HIPK3: variants seen among roughly 807,000 people sequenced by gnomAD.
HIPK3 encodes the protein homeodomain-interacting protein kinase 3.
A neutral mutation model predicts 124.2 loss-of-function variants in HIPK3; 47 were observed. The observed-to-expected ratio is 0.38, with a 90% CI of 0.30 to 0.48. HIPK3 has a LOEUF of 0.48. Ranked by LOEUF, HIPK3 falls within the 20% of genes least tolerant of loss-of-function variation. HIPK3 has a pLI of 0.98. For synonymous variants in HIPK3, 482 were observed against 515.2 expected (o/e 0.94, Z 0.87); for missense variants, 1,286 against 1,454.3 (o/e 0.88, Z 1.88).
At chr11:33,330,349 G>A (rs1044345562) in intron 3 of HIPK3, among the ~76,000 whole-genome samples, 2 of 152,086 alleles carry the variant, frequency 1.3e-5, no homozygotes, top group African/African-American at 4.8e-5. Context: ...TTTCTTTTGA[G>A]ATGAAGTCTT....
At chr11:33,320,936 C>T (rs1347929089) in intron 2 of HIPK3, among the ~76,000 whole-genome samples, 7 of 152,102 alleles carry the variant, frequency 4.6e-5, no homozygotes, top group Non-Finnish European at 8.8e-5. Flanking sequence ...GTTTGGGAGT[C>T]TTAAGAATAG....
intron 2 of HIPK3, among the ~76,000 whole-genome samples, chr11:33,319,436 C>T (rs897782740): frequency 2.0e-5 from 3 of 149,770 alleles, no homozygotes; most frequent in African/African-American, 7.4e-5. Flanking sequence ...GCGGAGGTTG[C>T]AGTGAGCCGA....
chr11:33,327,231 A>G (rs1852836969), intron 2 of HIPK3, among the ~76,000 whole-genome samples: 1 of 152,176 alleles, frequency 6.6e-6, no homozygotes, highest in Non-Finnish European at 1.5e-5. Context: ...ATTATTAGTA[A>G]TGGAACATAT....
chr11:33,296,144 C>T lies in HIPK3; in HGVS notation c.1097+8633C>T, dbSNP rs185638909. ...AATTCAATGGGTTGTAAATATCACTCATCATTCTTTGTTTTGTTCAGTAAA... is the reference window on the plus strand; with the variant it reads ...AATTCAATGGGTTGTAAATATCACTTATCATTCTTTGTTTTGTTCAGTAAA... On this transcript the variant is annotated intron_variant, in intron 2 of 16. Coordinates refer to ENST00000303296, the MANE Select transcript of HIPK3 (RefSeq NM_005734.5). Among the ~76,000 whole-genome samples the T allele has an allele frequency of 3.8e-4, 58 of 152,252 alleles. 1 individual carries two copies. In the East Asian group the frequency reaches 7.7e-3, roughly 20 times the overall value.
intron 2 of HIPK3, among the ~76,000 whole-genome samples, chr11:33,295,277 G>GCCCCCCCCCC (rs34093915): frequency 2.8e-5 from 3 of 106,632 alleles, no homozygotes; most frequent in South Asian, 3.3e-4. Context: ...AGCCACCACC[G>GCCCCCCCCCC]CCCCCCCCCC....
chr11:33,316,223 A>T (rs1483539133), intron 2 of HIPK3, among the ~76,000 whole-genome samples: 1 of 152,228 alleles, frequency 6.6e-6, no homozygotes, highest in Non-Finnish European at 1.5e-5. Context: ...GCTTGTTTTA[A>T]AAAAGCACCA....
intron 1 of HIPK3, among the ~76,000 whole-genome samples, chr11:33,278,202 T>C (rs535526640): frequency 5.3e-5 from 8 of 152,326 alleles, no homozygotes; most frequent in African/African-American, 1.9e-4. Context: ...ATAAAAATTA[T>C]AAATCTTTAT....
chr11:33,283,705 C>T (rs1198477392), intron 1 of HIPK3, among the ~76,000 whole-genome samples: 3 of 151,354 alleles, frequency 2.0e-5, no homozygotes, highest in Middle Eastern at 3.4e-3. Context: ...GACGGAGCCT[C>T]GCTCTGTTGC....
intron 2 of HIPK3, among the ~76,000 whole-genome samples, chr11:33,314,891 AC>A (rs2133949110): frequency 6.6e-6 from 1 of 152,308 alleles, no homozygotes. Flanking sequence ...TAAATTTAAG[AC>A]ATAATTGGAT....
intron 1 of HIPK3, among the ~76,000 whole-genome samples, chr11:33,269,852 A>G (rs1049712734): frequency 1.3e-5 from 2 of 151,782 alleles, no homozygotes; most frequent in Non-Finnish European, 2.9e-5. Flanking sequence ...TGAACCTCCT[A>G]TTCATTTCCA....
At chr11:33,349,419 A>G (rs1020952971) in intron 14 of HIPK3, 132 bp downstream of exon 14, 11 of 706,012 alleles carry the variant, frequency 1.6e-5, no homozygotes, top group Non-Finnish European at 2.3e-5. Context: ...TTTTTGAACT[A>G]GATCAGTTTT....
Position 33,341,067 on chromosome 11 carries a change from T to G in HIPK3, c.1713T>G (p.Ala571=), listed in dbSNP as rs1243685494. 2.5e-6 allele frequency: 4 copies of G among 1,612,494 alleles called. No individual in the cohort carries two copies. The highest frequency in any genetic ancestry group is 3.4e-6 in the Non-Finnish European group (4 of 1,179,068). Residue 571 remains alanine (A), a synonymous_variant, in exon 7 of 17, where the codon GCT becomes GCG. Transcript: ENST00000303296. ...HNKTSLLRPV[A]SSSTATLTAN... is the part of the protein sequence containing the mutation. ...AAACTTCACTTTTAAGACCAGTTGCTTCAAGCAGTACTGCTACACTGACTG... is the reference window on the plus strand; with the variant it reads ...AAACTTCACTTTTAAGACCAGTTGCGTCAAGCAGTACTGCTACACTGACTG...
intron 1 of HIPK3, among the ~76,000 whole-genome samples, chr11:33,272,820 T>TC (rs1226525763): frequency 1.9e-5 from 2 of 103,324 alleles, no homozygotes; most frequent in Non-Finnish European, 3.7e-5. Context: ...CCTCCCTCCC[T>TC]CTTTCTTCCT....
chr11:33,280,384 G>T (rs765348571), intron 1 of HIPK3, among the ~76,000 whole-genome samples: 1 of 152,202 alleles, frequency 6.6e-6, no homozygotes, highest in African/African-American at 2.4e-5. Flanking sequence ...AGCAAGTCGT[G>T]AGTATGTCTG....
Position 33,353,752 on chromosome 11 carries a change from C to G in HIPK3, c.*184C>G, listed in dbSNP as rs543527421. ...GTTTTGCACATTTGGTATAACTTGT[C>G]TTTGGTCATGTTATCTTCTTATGTA... On this transcript the variant is annotated 3_prime_UTR_variant, in exon 17 of 17. Coordinates refer to ENST00000303296, the MANE Select transcript of HIPK3 (RefSeq NM_005734.5). 716 of 561,484 alleles carry G rather than the reference C, an allele frequency of 1.3e-3. No homozygotes were observed. The highest frequency in any genetic ancestry group is 2.0e-3 in the Non-Finnish European group (620 of 314,230). The allele number at this position is 561,484 out of a possible 1,614,324, so 34.8% of individuals were successfully genotyped here. A position where few individuals can be genotyped will look rare whatever the true frequency, so the allele number is the denominator to read the frequency against.
chr11:33,299,059 C>T (rs1030505464), intron 2 of HIPK3, among the ~76,000 whole-genome samples: 2 of 151,836 alleles, frequency 1.3e-5, no homozygotes, highest in African/African-American at 4.8e-5. Flanking sequence ...GTTGGCCAGG[C>T]TGGTCTTGAA....
chr11:33,331,346 G>A (rs138459114), intron 3 of HIPK3, among the ~76,000 whole-genome samples: 32 of 152,200 alleles, frequency 2.1e-4, no homozygotes, highest in African/African-American at 7.2e-4. Flanking sequence ...GTAATCAGCT[G>A]CCTAGATATA....
chr11:33,322,797 G>A (rs1406810120), intron 2 of HIPK3, among the ~76,000 whole-genome samples: 1 of 152,216 alleles, frequency 6.6e-6, no homozygotes, highest in Non-Finnish European at 1.5e-5. Context: ...CTGCACTCCA[G>A]CCTGGGTGAC....
Position 33,356,937 on chromosome 11 carries a change from G to A in HIPK3, c.*3369G>A, listed in dbSNP as rs369088368. 2.0e-5 allele frequency: 3 copies of A among 152,156 alleles called. No homozygotes were observed. Among genetic ancestry groups the A allele is most frequent in the African/African-American group, 7.2e-5 (3 of 41,540 alleles). The allele number at this position is 152,156 out of a possible 1,614,324, so 9.4% of individuals were successfully genotyped here. A position where few individuals can be genotyped will look rare whatever the true frequency, so the allele number is the denominator to read the frequency against. On this transcript the variant is annotated 3_prime_UTR_variant, in exon 17 of 17. Coordinates refer to ENST00000303296, the MANE Select transcript of HIPK3 (RefSeq NM_005734.5). ...TTGTCACAAAAAGCGGGTTTTCCAG[G>A]TGACTATTTTGGTGAGTGTCAAAAT...
Sources: gnomAD v4.1 joint callset for allele counts (sites outside exome capture counted in the v4.1 genomes callset) on GRCh38, gnomAD v4.1.1 for gene constraint, MANE v1.5 for transcripts, NCBI Gene and HGNC (gene_info 2026-07-23, HGNC 2026-07-21) for gene names.